USP15: variants seen among roughly 807,000 people sequenced by gnomAD.
The protein encoded by USP15 is ubiquitin specific peptidase 15, also known as ubiquitin carboxyl-terminal hydrolase 15.
USP15 carries 18 observed loss-of-function variants against 127.1 expected under a neutral mutation model. The observed-to-expected ratio is 0.14, with a 90% CI of 0.10 to 0.21. USP15 has a LOEUF of 0.21. USP15 is among the 10% of genes least tolerant of loss of function. The pLI is 1.00. For synonymous variants in USP15, 364 were observed against 393.7 expected, an observed-to-expected ratio of 0.92 and a Z score of 0.89; for missense variants, 805 against 1,159.9, an observed-to-expected ratio of 0.69 and a Z score of 4.44.
intron 1 of USP15, among the ~76,000 whole-genome samples, chr12:62,280,899 C>T (rs1020369270): frequency 1.1e-4 from 17 of 152,174 alleles, no homozygotes; most frequent in African/African-American, 3.9e-4. Context: ...TTTTAGACTT[C>T]ATCCTACATA....
chr12:62,264,540 T>G (rs940598964), intron 1 of USP15, among the ~76,000 whole-genome samples: 4 of 152,206 alleles, frequency 2.6e-5, no homozygotes, highest in African/African-American at 9.6e-5. Flanking sequence ...AAGTAATTTG[T>G]GTGTGAAGTC....
intron 4 of USP15, among the ~76,000 whole-genome samples, chr12:62,315,904 A>G (rs1187825610): frequency 1.3e-5 from 2 of 152,192 alleles, no homozygotes; most frequent in South Asian, 2.1e-4. Context: ...TGTTTGCACC[A>G]AATAAAATAC....
chr12:62,349,183 AT>A (rs778789177), intron 6 of USP15, 37 bp from the exon 7 acceptor site: 35 of 1,232,340 alleles, frequency 2.8e-5, no homozygotes, highest in Admixed American at 9.2e-5. Flanking sequence ...AAAATTCTTC[AT>A]TTTTTTATCT....
chr12:62,284,390 C>T (rs2063734139), intron 1 of USP15, among the ~76,000 whole-genome samples: 1 of 152,154 alleles, frequency 6.6e-6, no homozygotes, highest in South Asian at 2.1e-4. Flanking sequence ...TGTGTGGGGG[C>T]TTTCAATTGC....
intron 2 of USP15, among the ~76,000 whole-genome samples, chr12:62,301,256 G>C (rs977431909): frequency 6.6e-6 from 1 of 152,236 alleles, no homozygotes; most frequent in Middle Eastern, 3.4e-3. Flanking sequence ...TATCATAAAA[G>C]CACTTCAGAA....
At chr12:62,332,875 A>C (rs1190617412) in intron 6 of USP15, among the ~76,000 whole-genome samples, 11 of 152,200 alleles carry the variant, frequency 7.2e-5, no homozygotes, top group Admixed American at 7.2e-4. Context: ...GTATTTTCAC[A>C]GCACTGTCTT....
chr12:62,327,047 T>TC (rs1214134778), intron 6 of USP15, among the ~76,000 whole-genome samples: 2 of 152,072 alleles, frequency 1.3e-5, no homozygotes, highest in African/African-American at 4.8e-5. Flanking sequence ...TGAGAATCAC[T>TC]TGAACCCAGG....
chr12:62,375,668 G>T (rs1483238061), intron 8 of USP15, among the ~76,000 whole-genome samples: 1 of 152,104 alleles, frequency 6.6e-6, no homozygotes. Context: ...TTTCTTATAG[G>T]GGATGAATAT....
chr12:62,336,679 T>A, intron 6 of USP15: 1 of 260,394 alleles, frequency 3.8e-6, no homozygotes, highest in South Asian at 1.5e-4. Context: ...ACAATAAAAT[T>A]ACCAAAAAGT....
intron 4 of USP15, among the ~76,000 whole-genome samples, chr12:62,317,048 GTT>G (rs1254119346): frequency 6.6e-6 from 1 of 152,044 alleles, no homozygotes; most frequent in Non-Finnish European, 1.5e-5. Context: ...TCATTAAACA[GTT>G]TTGGGAGTAA....
chr12:62,365,063 G>A (rs560657676), intron 8 of USP15, among the ~76,000 whole-genome samples: 55 of 152,192 alleles, frequency 3.6e-4, no homozygotes, highest in Non-Finnish European at 2.6e-4. Context: ...AATCCTTTGG[G>A]TATATACCCA....
At chr12:62,274,691 C>T (rs1009669703) in intron 1 of USP15, among the ~76,000 whole-genome samples, 1 of 151,998 alleles carries the variant, frequency 6.6e-6, no homozygotes, top group Non-Finnish European at 1.5e-5. Context: ...TTGCTCTACC[C>T]TGTCTCAAAG....
At chr12:62,287,657 A>T (rs577591437) in intron 1 of USP15, among the ~76,000 whole-genome samples, 3 of 152,078 alleles carry the variant, frequency 2.0e-5, no homozygotes, top group South Asian at 2.1e-4. Context: ...CAGTGAACAG[A>T]GAGTTTTTCC....
intron 6 of USP15, among the ~76,000 whole-genome samples, chr12:62,337,620 C>G (rs2065510659): frequency 6.6e-6 from 1 of 151,814 alleles, no homozygotes; most frequent in Admixed American, 6.6e-5. Flanking sequence ...TCCTAATGCT[C>G]TCCCTCCCCT....
intron 8 of USP15, among the ~76,000 whole-genome samples, chr12:62,368,487 G>A (rs72498866): frequency 6.6e-6 from 1 of 152,142 alleles, no homozygotes; most frequent in Non-Finnish European, 1.5e-5. Context: ...ATGAATCTGG[G>A]TGCTCCTGTG....
intron 1 of USP15, among the ~76,000 whole-genome samples, chr12:62,289,366 C>T (rs1409665878): frequency 6.6e-6 from 1 of 152,094 alleles, no homozygotes; most frequent in African/African-American, 2.4e-5. Flanking sequence ...TTACCCACTT[C>T]CTCTAGGTTT....
chr12:62,314,390 ACT>A (rs1035192359), intron 3 of USP15, among the ~76,000 whole-genome samples: 1 of 151,696 alleles, frequency 6.6e-6, no homozygotes, highest in Non-Finnish European at 1.5e-5. Context: ...TTCAATCAGA[ACT>A]CTGTTTATTT....
chr12:62,291,998 G>T (rs1439372609), intron 1 of USP15, among the ~76,000 whole-genome samples: 1 of 152,172 alleles, frequency 6.6e-6, no homozygotes, highest in African/African-American at 2.4e-5. Context: ...GTAACAGTGG[G>T]GTTTACGCTT....
chr12:62,404,179 C>A lies in USP15; in HGVS notation c.2764-14C>A. 1.9e-6 allele frequency: 3 copies of A among 1,583,112 alleles called. No homozygotes were observed. In the South Asian group the frequency reaches 3.5e-5, roughly 18 times the overall value. On this transcript the variant is annotated splice_polypyrimidine_tract_variant and intron_variant, in intron 21 of 21. Coordinates refer to ENST00000280377, the MANE Select transcript of USP15 (RefSeq NM_001252078.2). Reference sequence around the variant, plus strand: ...TGAGAATCATAACTGTTTTAACATCCTTTGTTTTGACAGTCCAAAGCAGCA... The same window carrying A: ...TGAGAATCATAACTGTTTTAACATCATTTGTTTTGACAGTCCAAAGCAGCA...
Sources: gnomAD v4.1 joint callset for allele counts (sites outside exome capture counted in the v4.1 genomes callset) on GRCh38, gnomAD v4.1.1 for gene constraint, MANE v1.5 for transcripts, NCBI Gene and HGNC (gene_info 2026-07-23, HGNC 2026-07-21) for gene names.